PALM2AKAP2: variants seen among roughly 807,000 people sequenced by gnomAD.
PALM2AKAP2 encodes PALM2-AKAP2 fusion protein.
PALM2AKAP2 carries 37 observed loss-of-function variants against 71.5 expected under a neutral mutation model. The observed-to-expected ratio is 0.52, with a 90% CI of 0.40 to 0.68. PALM2AKAP2 has a LOEUF of 0.68. Ranked by LOEUF, PALM2AKAP2 falls within the 30% of genes least tolerant of loss-of-function variation. The pLI, the probability that PALM2AKAP2 is intolerant of heterozygous loss-of-function variation, is 0.00. For synonymous variants in PALM2AKAP2, 468 were observed against 478.8 expected (o/e 0.98, Z 0.29); for missense variants, 1,224 against 1,191.8 (o/e 1.03, Z -0.40).
intron 1 of PALM2AKAP2, among the ~76,000 whole-genome samples, chr9:110,070,279 G>C (rs541744557): frequency 2.0e-5 from 3 of 152,310 alleles, no homozygotes; most frequent in African/African-American, 7.2e-5. Flanking sequence ...GCTTGCATAT[G>C]GCAAAATTCC....
At chr9:110,026,184 AT>A (rs1385659300) in intron 7 of PALM2AKAP2, among the ~76,000 whole-genome samples, 1 of 152,032 alleles carries the variant, frequency 6.6e-6, no homozygotes, top group Non-Finnish European at 1.5e-5. Flanking sequence ...GGCCCAAGCA[AT>A]CCTCCTACCT....
In PALM2AKAP2 at chr9:109,695,333, G is replaced by C. The variant is rs149815602; in HGVS notation, c.5+54467G>C. Reference sequence around the variant, plus strand: ...TGTATTCCCAGCGGTGGGATTGCTGGGTCATGTGGCAGTTCTATTTTTAGT... The same window carrying C: ...TGTATTCCCAGCGGTGGGATTGCTGCGTCATGTGGCAGTTCTATTTTTAGT... On this transcript the variant is annotated intron_variant, in intron 1 of 6. Transcript: ENST00000374531. Among the ~76,000 whole-genome samples, 1,083 of 152,210 alleles carry C rather than the reference G, an allele frequency of 7.1e-3. 19 individuals carry two copies. The highest frequency in any genetic ancestry group is 0.025 in the African/African-American group (1,036 of 41,534).
intron 1 of PALM2AKAP2, among the ~76,000 whole-genome samples, chr9:109,791,362 A>T (rs1029940127): frequency 1.3e-5 from 2 of 152,162 alleles, no homozygotes; most frequent in African/African-American, 4.8e-5. Context: ...TTTCTACTTG[A>T]CATGTTCCTG....
intron 1 of PALM2AKAP2, among the ~76,000 whole-genome samples, chr9:109,647,538 G>A (rs1284249254): frequency 1.3e-5 from 2 of 152,186 alleles, no homozygotes; most frequent in African/African-American, 2.4e-5. Context: ...CGGAAGTATT[G>A]TATCCCTTTA....
rs536212126 is a variant in PALM2AKAP2 at position 110,061,355 on chromosome 9, C to A, written c.156+12500C>A. Among the ~76,000 whole-genome samples the A allele has an allele frequency of 7.1e-4, 108 of 152,076 alleles. 2 individuals are homozygous for A. In the South Asian group the frequency reaches 0.012, roughly 17 times the overall value. Reference sequence around the variant, plus strand: ...TAAAACCTTGAACCTTTAACATGGGCCCATTTTCATGCATGCATTGTGATC... The same window carrying A: ...TAAAACCTTGAACCTTTAACATGGGACCATTTTCATGCATGCATTGTGATC... On this transcript the variant is annotated intron_variant, in intron 1 of 3. Transcript: ENST00000374525.
intron 6 of PALM2AKAP2, among the ~76,000 whole-genome samples, chr9:110,015,593 T>A (rs753925474): frequency 1.3e-4 from 20 of 151,472 alleles, no homozygotes; most frequent in Non-Finnish European, 2.9e-4. Context: ...GCAACAAGAG[T>A]GCAACTTGGT....
chr9:109,860,286 G>A (rs1221478469), intron 1 of PALM2AKAP2, among the ~76,000 whole-genome samples: 4 of 152,074 alleles, frequency 2.6e-5, no homozygotes, highest in Non-Finnish European at 5.9e-5. Context: ...AAATAGCATT[G>A]AATCTGCAGT....
At chr9:110,014,841 T>C (rs1251297770) in intron 6 of PALM2AKAP2, among the ~76,000 whole-genome samples, 30 of 97,104 alleles carry the variant, frequency 3.1e-4, no homozygotes, top group African/African-American at 1.3e-3. Context: ...TATATATATA[T>C]ATATATATAT....
At chr9:110,084,200 C>G (rs919139308) in intron 1 of PALM2AKAP2, among the ~76,000 whole-genome samples, 2 of 152,150 alleles carry the variant, frequency 1.3e-5, no homozygotes, top group Non-Finnish European at 1.5e-5. Context: ...AATACTGTTA[C>G]TAATGCTGAA....
chr9:109,963,966 A>G (rs1365434913), intron 6 of PALM2AKAP2, among the ~76,000 whole-genome samples: 3 of 152,220 alleles, frequency 2.0e-5, no homozygotes, highest in African/African-American at 7.2e-5. Context: ...GAAGAAGGTA[A>G]CAGGCCACAG....
At chr9:109,839,891 C>G (rs1035053387) in intron 1 of PALM2AKAP2, among the ~76,000 whole-genome samples, 1 of 152,192 alleles carries the variant, frequency 6.6e-6, no homozygotes, top group Admixed American at 6.5e-5. Flanking sequence ...AAGAATATTC[C>G]ATGCTCATGG....
At chr9:109,835,741 C>A (rs141372543) in intron 1 of PALM2AKAP2, among the ~76,000 whole-genome samples, 2,992 of 152,270 alleles carry the variant, frequency 0.02, 61 homozygotes, top group Middle Eastern at 0.051. Context: ...TATCCTGCGC[C>A]TGGCTCAGAG....
intron 1 of PALM2AKAP2, among the ~76,000 whole-genome samples, chr9:109,717,437 A>G (rs1828341124): frequency 6.6e-6 from 1 of 152,130 alleles, no homozygotes. Context: ...AATCATCTTC[A>G]TTTGTGCCAG....
chr9:110,023,206 G>T (rs1833105906), intron 7 of PALM2AKAP2, among the ~76,000 whole-genome samples: 1 of 150,590 alleles, frequency 6.6e-6, no homozygotes, highest in Non-Finnish European at 1.5e-5. Context: ...CAGTGTAAAA[G>T]TGTTCCTATT....
At chr9:109,875,301 CT>C (rs1829698090) in intron 2 of PALM2AKAP2, among the ~76,000 whole-genome samples, 1 of 152,216 alleles carries the variant, frequency 6.6e-6, no homozygotes, top group African/African-American at 2.4e-5. Flanking sequence ...ATGTCCTCCC[CT>C]GGTCCCTCTT....
rs1005737726 is a variant in PALM2AKAP2, at chr9:110,145,592, AC to A, written c.2569+7055del. Among the ~76,000 whole-genome samples, 59 of 152,192 alleles carry A rather than the reference AC, an allele frequency of 3.9e-4. 2 individuals are homozygous for A. The highest frequency in any genetic ancestry group is 3.4e-3 in the Admixed American group (52 of 15,294). On this transcript the variant is annotated intron_variant, in intron 2 of 3. Transcript: ENST00000374525. Reference sequence around the variant, plus strand: ...GTTAGTTGACTGGTGATCATTGAGCACCATGACTACGTACTGTTCTCCTTGC... The same window carrying A: ...GTTAGTTGACTGGTGATCATTGAGCACATGACTACGTACTGTTCTCCTTGC...
At chr9:109,814,236 G>T (rs974883423) in intron 1 of PALM2AKAP2, among the ~76,000 whole-genome samples, 1 of 152,182 alleles carries the variant, frequency 6.6e-6, no homozygotes, top group African/African-American at 2.4e-5. Context: ...ACGTCTGCAT[G>T]GTTCTATTGC....
intron 6 of PALM2AKAP2, chr9:109,943,800 C>T (rs866096770): frequency 2.9e-5 from 5 of 174,976 alleles, no homozygotes; most frequent in East Asian, 1.6e-4. Flanking sequence ...GTTCCTGTAA[C>T]GTAGTCACAC....
chr9:109,746,071 C>T (rs1828795829), intron 1 of PALM2AKAP2, among the ~76,000 whole-genome samples: 1 of 152,176 alleles, frequency 6.6e-6, no homozygotes, highest in African/African-American at 2.4e-5. Flanking sequence ...GGAGGGTTCA[C>T]AGCCCGGGAG....
Sources: allele counts gnomAD v4.1 joint callset (sites outside exome capture counted in the v4.1 genomes callset), GRCh38; gene constraint gnomAD v4.1.1; transcripts MANE v1.5; gene names NCBI Gene and HGNC (gene_info 2026-07-23, HGNC 2026-07-21).